B4GALT6: variants seen among roughly 807,000 people sequenced by gnomAD.
B4GALT6 encodes the protein UDP-Gal:beta-GlcNAc beta-1,4-galactosyltransferase 6.
A neutral mutation model predicts 46.3 loss-of-function variants in B4GALT6; 14 were observed. That is an observed-to-expected ratio of 0.30 (90% CI 0.20 to 0.47). The LOEUF (loss-of-function observed/expected upper bound fraction) is 0.47, where lower values mean the gene tolerates loss of function less well. Among genes scored for constraint, B4GALT6 ranks in the 20% least tolerant of loss-of-function variants. The pLI is 0.99. For missense variants in B4GALT6, 386 were observed against 480.1 expected (o/e 0.80, Z 1.83); for synonymous variants, 168 against 162.0 (o/e 1.04, Z -0.28).
rs982438114 is a variant in B4GALT6 at position 31,634,330 on chromosome 18, A to T, written c.589-3184T>A. Among the ~76,000 whole-genome samples, 4 of 152,346 alleles carry T rather than the reference A, an allele frequency of 2.6e-5. No homozygotes were observed. The East Asian group carries it at 5.8e-4, about 22-fold the overall frequency. ...TAATGACCTGGCAGTACAAGTAAAG[A>T]TGAGCAACTGGGAATGTGGCTGTTT... On this transcript the variant is annotated intron_variant, in intron 5 of 8. Coordinates refer to ENST00000306851, the MANE Select transcript of B4GALT6 (RefSeq NM_004775.5).
chr18:31,717,655 G>A, the B4GALT6 span, among the ~76,000 whole-genome samples: 1 of 152,014 alleles, frequency 6.6e-6, no homozygotes, highest in African/African-American at 2.4e-5. Flanking sequence ...TACCATTTTT[G>A]TAAAAAAATA....
chr18:31,721,493 G>A, the B4GALT6 span, among the ~76,000 whole-genome samples: 5 of 152,214 alleles, frequency 3.3e-5, no homozygotes, highest in Non-Finnish European at 7.3e-5. Context: ...ACTTGACTAG[G>A]CAAGGGTGTG....
At chr18:31,723,199 A>G in the B4GALT6 span, among the ~76,000 whole-genome samples, 1 of 152,164 alleles carries the variant, frequency 6.6e-6, no homozygotes, top group African/African-American at 2.4e-5. Context: ...ATTGTTTTAT[A>G]ATAGATCCCT....
At chr18:31,652,072 T>TTC (rs886350291) in intron 3 of B4GALT6, among the ~76,000 whole-genome samples, 9 of 152,184 alleles carry the variant, frequency 5.9e-5, no homozygotes, top group African/African-American at 2.2e-4. Context: ...GCCCGGCCTC[T>TTC]TCTCTCCATC....
chr18:31,668,301 A>T (rs1396888000), intron 1 of B4GALT6, among the ~76,000 whole-genome samples: 1 of 152,114 alleles, frequency 6.6e-6, no homozygotes, highest in Non-Finnish European at 1.5e-5. Flanking sequence ...GAAACTGGGG[A>T]CTACTACAAG....
the B4GALT6 span, among the ~76,000 whole-genome samples, chr18:31,696,593 C>T: frequency 1.3e-5 from 2 of 152,148 alleles, no homozygotes; most frequent in African/African-American, 4.8e-5. Flanking sequence ...AACAATTTAG[C>T]TTCTCTCCAA....
At chr18:31,684,822 A>G (rs2074526623), upstream of B4GALT6, 21 of 984,786 alleles carry the variant, frequency 2.1e-5, no homozygotes, top group Non-Finnish European at 2.6e-5. Flanking sequence ...GCCCCTGCGG[A>G]GAGGGGCAGC....
chr18:31,703,132 T>A, the B4GALT6 span, among the ~76,000 whole-genome samples: 2 of 152,102 alleles, frequency 1.3e-5, no homozygotes, highest in South Asian at 2.1e-4. Flanking sequence ...GAAGGGAAAC[T>A]CTTTGGTTTA....
At chr18:31,691,022 G>T in the B4GALT6 span, among the ~76,000 whole-genome samples, 1 of 151,878 alleles carries the variant, frequency 6.6e-6, no homozygotes, top group Non-Finnish European at 1.5e-5. Flanking sequence ...AGAGCATTAG[G>T]ACAAATACCT....
intron 3 of B4GALT6, among the ~76,000 whole-genome samples, chr18:31,655,599 C>G (rs1032138384): frequency 6.6e-6 from 1 of 152,018 alleles, no homozygotes; most frequent in African/African-American, 2.4e-5. Flanking sequence ...CAGACAGATG[C>G]TTTGAAATAG....
In B4GALT6 at chr18:31,622,446, C is replaced by T. The variant is rs551331880; in HGVS notation, c.*3168G>A. The T allele has an allele frequency of 6.6e-6, 1 of 152,036 alleles. No individual in the cohort carries two copies. The highest frequency in any genetic ancestry group is 2.1e-4 in the South Asian group (1 of 4,816). The allele number at this position is 152,036 out of a possible 1,614,324, so 9.4% of individuals were successfully genotyped here. On this transcript the variant is annotated 3_prime_UTR_variant, in exon 9 of 9. Coordinates refer to ENST00000306851, the MANE Select transcript of B4GALT6 (RefSeq NM_004775.5). ...AAACAATACTATAACCATTTTAGTT[C>T]TCTCAACCGGCATACTTGCAAATAC...
At chr18:31,690,391 A>G (rs1195253889), upstream of B4GALT6, among the ~76,000 whole-genome samples, 8 of 152,120 alleles carry the variant, frequency 5.3e-5, no homozygotes, top group African/African-American at 1.7e-4. Context: ...TCAGCCTCCC[A>G]AAGTGCAGGG....
rs1385390863 is a variant in B4GALT6 at position 31,624,412 on chromosome 18, A to G, written c.*1202T>C. On this transcript the variant is annotated 3_prime_UTR_variant, in exon 9 of 9. Coordinates refer to ENST00000306851, the MANE Select transcript of B4GALT6 (RefSeq NM_004775.5). ...TTAACACCAGAGATATAATCTCTTA[A>G]AAGTGAAAAAAACAAAATATAGTTT... The G allele has an allele frequency of 6.6e-6, 1 of 152,036 alleles. No individual in the cohort carries two copies. Among genetic ancestry groups the G allele is most frequent in the Non-Finnish European group, 1.5e-5 (1 of 67,914 alleles). The allele number at this position is 152,036 out of a possible 1,614,324, so 9.4% of individuals were successfully genotyped here. A position where few individuals can be genotyped will look rare whatever the true frequency, so the allele number is the denominator to read the frequency against.
intron 1 of B4GALT6, among the ~76,000 whole-genome samples, chr18:31,681,161 A>G (rs1047251519): frequency 2.0e-5 from 3 of 152,254 alleles, no homozygotes; most frequent in African/African-American, 4.8e-5. Context: ...TTGTTGAATG[A>G]ACTTGTAAGT....
chr18:31,679,646 A>C (rs533051423), intron 1 of B4GALT6, among the ~76,000 whole-genome samples: 9 of 152,164 alleles, frequency 5.9e-5, no homozygotes, highest in South Asian at 2.1e-4. Context: ...AATACCATTC[A>C]CCTACATGAT....
At chr18:31,627,264 C>A (rs1191870573) in intron 6 of B4GALT6, 143 bp from the exon 7 acceptor site, 2 of 597,720 alleles carry the variant, frequency 3.3e-6, no homozygotes, top group African/African-American at 1.9e-5. Flanking sequence ...TAAAGTACAC[C>A]AAGACATAAA....
intron 1 of B4GALT6, among the ~76,000 whole-genome samples, chr18:31,671,913 A>G (rs2074361446): frequency 6.6e-6 from 1 of 152,218 alleles, no homozygotes; most frequent in South Asian, 2.1e-4. Context: ...AAAAAATTTA[A>G]AAAATAGAAA....
In B4GALT6 at chr18:31,624,203, C is replaced by T. The variant is rs984238650; in HGVS notation, c.*1411G>A. The T allele has an allele frequency of 6.6e-6, 1 of 151,882 alleles. No homozygotes were observed. The highest frequency in any genetic ancestry group is 2.4e-5 in the African/African-American group (1 of 41,384). 9.4% of individuals were successfully genotyped at this position (151,882 alleles called of 1,614,324 possible). ...ACTCATGCAAACATGTAAGATATTA[C>T]ATATAGAAGACATTATGGCATCAGT... On this transcript the variant is annotated 3_prime_UTR_variant, in exon 9 of 9. Coordinates refer to ENST00000306851, the MANE Select transcript of B4GALT6 (RefSeq NM_004775.5).
At chr18:31,640,700 A>T (rs1026776938) in intron 4 of B4GALT6, among the ~76,000 whole-genome samples, 4 of 152,208 alleles carry the variant, frequency 2.6e-5, no homozygotes, top group African/African-American at 9.6e-5. Flanking sequence ...GAGGACCATG[A>T]GGCTACCCCA....
Sources: allele counts gnomAD v4.1 joint callset (sites outside exome capture counted in the v4.1 genomes callset), GRCh38; gene constraint gnomAD v4.1.1; transcripts MANE v1.5; gene names NCBI Gene and HGNC (gene_info 2026-07-23, HGNC 2026-07-21).